The following KLHL13 variants were observed in gnomAD, a reference collection of about 807,000 sequenced individuals.
KLHL13 encodes kelch like family member 13, also known as kelch-like protein 13.
In KLHL13, 10 loss-of-function variants were observed where a neutral mutation model predicts 37.1. The observed-to-expected ratio is 0.27, with a 90% CI of 0.17 to 0.46. The LOEUF is 0.46. Among genes scored for constraint, KLHL13 ranks in the 20% least tolerant of loss-of-function variants. The probability of loss-of-function intolerance (pLI) is 1.00; values close to 1 mark genes in which losing one functional copy is unlikely to be tolerated. For missense variants in KLHL13, 360 were observed against 509.3 expected (o/e 0.71, Z 2.82); for synonymous variants, 163 against 181.2 (o/e 0.90, Z 0.81).
upstream of KLHL13, among the ~76,000 whole-genome samples, chrX:117,977,678 T>C (rs1157322496): frequency 3.6e-5 from 4 of 112,238 alleles, no homozygotes; most frequent in Admixed American, 9.5e-5. Context: ...TTATTCACAA[T>C]GCTTAGACAA....
At chrX:117,972,692 A>C (rs2053544050) in intron 1 of KLHL13, 7 of 1,144,457 alleles carry the variant, frequency 6.1e-6, no homozygotes, top group Non-Finnish European at 8.4e-6. Flanking sequence ...AGATTCATGA[A>C]TGAAATCCCA....
intron 1 of KLHL13, among the ~76,000 whole-genome samples, chrX:118,052,190 A>G (rs768762078): frequency 1.8e-5 from 2 of 111,280 alleles, no homozygotes; most frequent in African/African-American, 6.5e-5. Context: ...TTTCAGATAG[A>G]TTAAATATTG....
intron 1 of KLHL13, among the ~76,000 whole-genome samples, chrX:118,105,604 A>G (rs933276193): frequency 8.9e-6 from 1 of 112,731 alleles, no homozygotes; most frequent in Non-Finnish European, 1.9e-5. Flanking sequence ...GTATTGGCCG[A>G]TATCAAATTG....
chrX:117,962,580 C>T (rs1482887962), intron 1 of KLHL13, among the ~76,000 whole-genome samples: 2 of 111,344 alleles, frequency 1.8e-5, no homozygotes, highest in East Asian at 2.8e-4. Flanking sequence ...AAGATAATTG[C>T]CTCAATATTT....
intron 1 of KLHL13, among the ~76,000 whole-genome samples, chrX:118,106,787 T>C (rs1390421041): frequency 8.9e-6 from 1 of 111,995 alleles, no homozygotes; most frequent in Non-Finnish European, 1.9e-5. Flanking sequence ...AAAAGATTAG[T>C]CTATCCCTCT....
At chrX:118,088,234 G>T (rs1003200241) in intron 1 of KLHL13, among the ~76,000 whole-genome samples, 2 of 112,081 alleles carry the variant, frequency 1.8e-5, no homozygotes, top group Non-Finnish European at 3.8e-5. Flanking sequence ...CTGTTTCAAA[G>T]AATGTAAAAC....
At position 118,100,549 on chromosome X, in the gene KLHL13, C is replaced by CA. The variant is rs201722776; in HGVS notation, c.-56+15958dup. Among the ~76,000 whole-genome samples the CA allele has an allele frequency of 7.0e-3, 775 of 111,421 alleles. 8 individuals are homozygous for CA. The highest frequency in any genetic ancestry group is 0.022 in the African/African-American group (667 of 30,612). On this transcript the variant is annotated intron_variant, in intron 1 of 6. Coordinates refer to the KLHL13 transcript ENST00000371882. ...TTAAGTTCATATTTTTAAATTGGCACATTAGACAATATGCCAGTTTCATGA... is the reference window on the plus strand; with the variant it reads ...TTAAGTTCATATTTTTAAATTGGCACAATTAGACAATATGCCAGTTTCATGA...
At chrX:117,921,787 A>G (rs1931717044) in intron 2 of KLHL13, among the ~76,000 whole-genome samples, 1 of 112,536 alleles carries the variant, frequency 8.9e-6, no homozygotes, top group Non-Finnish European at 1.9e-5. Flanking sequence ...AGCTTTTTAA[A>G]GAAAATGCTT....
At chrX:117,923,746 G>C (rs776612934) in intron 2 of KLHL13, among the ~76,000 whole-genome samples, 14 of 111,411 alleles carry the variant, frequency 1.3e-4, no homozygotes, top group Non-Finnish European at 2.1e-4. Flanking sequence ...CAAACTGCTT[G>C]TGGAGGTATG....
At chrX:118,035,022 C>G (rs2054417417) in intron 1 of KLHL13, among the ~76,000 whole-genome samples, 1 of 94,873 alleles carries the variant, frequency 1.1e-5, no homozygotes, top group Admixed American at 1.1e-4. Flanking sequence ...GACACATACA[C>G]TCTCCCAAGA....
chrX:117,964,597 C>CTTT lies in KLHL13; in HGVS notation c.98+8131_98+8133dup, dbSNP rs776171464. 1.1e-3 allele frequency among the ~76,000 whole-genome samples: 125 copies of CTTT among 111,053 alleles called. 1 individual carries two copies. Among genetic ancestry groups the CTTT allele is most frequent in the African/African-American group, 3.9e-3 (120 of 30,525 alleles). ...TGATTGAAAAAGAACTGAGCACTTT[C>CTTT]TTTTTTTTATTAAAGTTTTAGGGTA... On this transcript the variant is annotated intron_variant, in intron 1 of 6. Transcript: ENST00000262820.
intron 1 of KLHL13, among the ~76,000 whole-genome samples, chrX:118,001,604 C>T (rs1462231849): frequency 9.0e-6 from 1 of 111,557 alleles, no homozygotes; most frequent in Non-Finnish European, 1.9e-5. Flanking sequence ...TGGCTCACAC[C>T]TGTAATCCCA....
chrX:117,907,711 G>A (rs1168936979), intron 5 of KLHL13, among the ~76,000 whole-genome samples: 1 of 110,672 alleles, frequency 9.0e-6, no homozygotes, highest in Non-Finnish European at 1.9e-5. Context: ...AAATATATTG[G>A]AAAACCTATG....
At chrX:117,973,103 G>T in exon 1 of KLHL13, 1 of 988,726 alleles carries the variant, frequency 1.0e-6, no homozygotes, top group East Asian at 4.5e-5. Context: ...TATTTTTTTA[G>T]GACTGCACTG....
At chrX:117,901,897 G>T (rs758444002) in exon 6 of KLHL13, 2 of 1,191,049 alleles carry the variant, frequency 1.7e-6, no homozygotes, top group Non-Finnish European at 1.1e-6. Context: ...CACTCATTTT[G>T]GCAACATAGG....
chrX:118,047,341 T>A (rs775805734), intron 1 of KLHL13, among the ~76,000 whole-genome samples: 1 of 111,957 alleles, frequency 8.9e-6, no homozygotes. Flanking sequence ...AATCTGATCA[T>A]AGAAAAAAAT....
At chrX:118,070,940 T>C (rs2054855488) in intron 1 of KLHL13, among the ~76,000 whole-genome samples, 1 of 104,174 alleles carries the variant, frequency 9.6e-6, no homozygotes, top group Admixed American at 1.1e-4. Flanking sequence ...CAGAGTGTGA[T>C]GTTCCCCTTC....
intron 2 of KLHL13, among the ~76,000 whole-genome samples, chrX:117,927,992 A>G (rs186670558): frequency 1.7e-3 from 194 of 112,420 alleles, no homozygotes; most frequent in African/African-American, 4.4e-3. Flanking sequence ...ATTTACAAAA[A>G]TAAAAGTAAA....
chrX:118,098,603 C>G (rs1602723131), intron 1 of KLHL13, among the ~76,000 whole-genome samples: 1 of 108,997 alleles, frequency 9.2e-6, no homozygotes, highest in South Asian at 4.0e-4. Flanking sequence ...ATAAATCATG[C>G]TGCTATAAAG....
Sources: allele counts gnomAD v4.1 joint callset (sites outside exome capture counted in the v4.1 genomes callset), GRCh38; gene constraint gnomAD v4.1.1; transcripts MANE v1.5; gene names NCBI Gene and HGNC (gene_info 2026-07-23, HGNC 2026-07-21).